The following DYNC1I1 variants were observed in gnomAD, a reference collection of about 807,000 sequenced individuals.
The protein encoded by DYNC1I1 is dynein cytoplasmic 1 intermediate chain 1, also known as cytoplasmic dynein 1 intermediate chain 1.
DYNC1I1 carries 43 observed loss-of-function variants against 86.6 expected under a neutral mutation model. The observed-to-expected ratio is 0.50, with a 90% confidence interval of 0.39 to 0.64. The LOEUF (loss-of-function observed/expected upper bound fraction) is 0.64. DYNC1I1 is among the 30% of genes least tolerant of loss of function. DYNC1I1 has a pLI of 0.00. For missense variants in DYNC1I1, 604 were observed against 788.8 expected (o/e 0.77, Z 2.81); for synonymous variants, 262 against 283.7 (o/e 0.92, Z 0.77).
chr7:95,807,022 T>C (rs879573261), intron 2 of DYNC1I1, among the ~76,000 whole-genome samples: 4 of 152,118 alleles, frequency 2.6e-5, no homozygotes, highest in Admixed American at 2.6e-4. Context: ...GAGAAAGGAA[T>C]GATGTCTTCC....
At chr7:95,821,217 C>T (rs1288115526) in intron 4 of DYNC1I1, among the ~76,000 whole-genome samples, 2 of 152,178 alleles carry the variant, frequency 1.3e-5, no homozygotes, top group African/African-American at 4.8e-5. Flanking sequence ...CTATACTAGA[C>T]TTTCAAGGAA....
chr7:96,042,419 C>T (rs1789077761), intron 14 of DYNC1I1, among the ~76,000 whole-genome samples: 1 of 152,164 alleles, frequency 6.6e-6, no homozygotes, highest in Non-Finnish European at 1.5e-5. Flanking sequence ...CAATGACATT[C>T]CTGATGCCCA....
At chr7:95,956,547 G>A (rs368597614) in intron 6 of DYNC1I1, among the ~76,000 whole-genome samples, 5 of 147,084 alleles carry the variant, frequency 3.4e-5, no homozygotes, top group East Asian at 4.0e-4. Flanking sequence ...CCCCACCCCC[G>A]ACAGGCCCCA....
chr7:96,074,628 G>A (rs1324493558), intron 14 of DYNC1I1, among the ~76,000 whole-genome samples: 1 of 149,546 alleles, frequency 6.7e-6, no homozygotes, highest in African/African-American at 2.5e-5. Context: ...ACAGTCCATA[G>A]AAAGAGAACT....
At chr7:96,042,604 T>C (rs1402635415) in intron 14 of DYNC1I1, among the ~76,000 whole-genome samples, 2 of 152,146 alleles carry the variant, frequency 1.3e-5, no homozygotes, top group Admixed American at 6.5e-5. Flanking sequence ...GGAAACCAAG[T>C]TGAGTAAGCT....
intron 6 of DYNC1I1, among the ~76,000 whole-genome samples, chr7:95,944,479 A>T (rs1258837191): frequency 1.3e-5 from 2 of 152,202 alleles, no homozygotes; most frequent in Non-Finnish European, 2.9e-5. Context: ...TTCTTCAGGG[A>T]TCTAGAACTA....
chr7:96,078,051 C>G (rs541330126), intron 15 of DYNC1I1, among the ~76,000 whole-genome samples: 4 of 152,242 alleles, frequency 2.6e-5, no homozygotes, highest in South Asian at 4.1e-4. Context: ...TTAAAACCTT[C>G]AAATCATTTT....
rs1476299974 is a variant in DYNC1I1, at chr7:96,028,259, G to A, written c.1054G>A (p.Asp352Asn). The A allele has an allele frequency of 1.2e-6, 2 of 1,613,824 alleles. No homozygotes were observed. Among genetic ancestry groups the A allele is most frequent in the Non-Finnish European group, 1.7e-6 (2 of 1,179,822 alleles). The part of the protein sequence containing the change: ...GTYSGQIVLW[D>N]NRSHRRTPVQ... ...TTACTCGGGCCAGATTGTCCTCTGGGACAATCGCAGTCATCGAAGGACTCC... is the reference window on the plus strand; with the variant it reads ...TTACTCGGGCCAGATTGTCCTCTGGAACAATCGCAGTCATCGAAGGACTCC... Residue 352 changes from aspartate to asparagine, a missense_variant, in exon 11 of 17, where the codon GAC becomes AAC. Coordinates refer to ENST00000447467, the MANE Select transcript of DYNC1I1 (RefSeq NM_001135556.2).
chr7:96,086,821 A>G (rs572425029), intron 16 of DYNC1I1, among the ~76,000 whole-genome samples: 2 of 152,324 alleles, frequency 1.3e-5, no homozygotes, highest in Admixed American at 1.3e-4. Flanking sequence ...TCAAGAGAGA[A>G]AAGTTTATTT....
intron 2 of DYNC1I1, among the ~76,000 whole-genome samples, chr7:95,807,890 G>C (rs781284390): frequency 6.6e-5 from 10 of 151,990 alleles, no homozygotes; most frequent in Non-Finnish European, 1.2e-4. Flanking sequence ...CAAGGTCAGG[G>C]CTATATGCTT....
At chr7:96,007,660 T>C (rs1242932453) in intron 10 of DYNC1I1, among the ~76,000 whole-genome samples, 1 of 152,112 alleles carries the variant, frequency 6.6e-6, no homozygotes, top group Non-Finnish European at 1.5e-5. Flanking sequence ...CAATTTGCCA[T>C]ATCCTTAGGT....
chr7:95,833,514 T>G (rs1227607014), intron 5 of DYNC1I1, among the ~76,000 whole-genome samples: 1 of 136,906 alleles, frequency 7.3e-6, no homozygotes, highest in Admixed American at 7.4e-5. Context: ...AAGAAAGTCA[T>G]TGGTAGCTTG....
At chr7:95,879,898 A>G (rs180704806) in intron 6 of DYNC1I1, among the ~76,000 whole-genome samples, 4 of 152,294 alleles carry the variant, frequency 2.6e-5, no homozygotes, top group East Asian at 3.9e-4. Flanking sequence ...TAACTTATCA[A>G]TGGTTCTAAG....
intron 6 of DYNC1I1, among the ~76,000 whole-genome samples, chr7:95,904,796 G>C (rs1034480372): frequency 6.6e-6 from 1 of 152,132 alleles, no homozygotes; most frequent in African/African-American, 2.4e-5. Flanking sequence ...GTCAGTTAAA[G>C]TGTATGTTCT....
chr7:95,928,081 C>A (rs2116399733), intron 6 of DYNC1I1, among the ~76,000 whole-genome samples: 1 of 152,318 alleles, frequency 6.6e-6, no homozygotes, highest in East Asian at 1.9e-4. Context: ...TATGGAAGAA[C>A]AGCCAGGGCA....
At chr7:95,856,210 G>T (rs2600566) in intron 5 of DYNC1I1, among the ~76,000 whole-genome samples, 77,615 of 151,770 alleles carry the variant, frequency 0.51, 21,883 homozygotes, top group Middle Eastern at 0.65. Flanking sequence ...GCACATTAGC[G>T]TAAGCATACA....
intron 6 of DYNC1I1, among the ~76,000 whole-genome samples, chr7:95,926,995 T>C (rs1390064012): frequency 6.6e-6 from 1 of 152,182 alleles, no homozygotes; most frequent in Non-Finnish European, 1.5e-5. Context: ...ACAAATTATA[T>C]ACTCAAAATA....
intron 5 of DYNC1I1, among the ~76,000 whole-genome samples, chr7:95,841,441 T>G (rs1789278637): frequency 8.2e-6 from 1 of 121,360 alleles, no homozygotes; most frequent in Admixed American, 7.8e-5. Context: ...TTTGGTAAAA[T>G]AAGCTGGCAG....
At chr7:95,930,172 G>T (rs2116406150) in intron 6 of DYNC1I1, among the ~76,000 whole-genome samples, 1 of 152,328 alleles carries the variant, frequency 6.6e-6, no homozygotes, top group Non-Finnish European at 1.5e-5. Flanking sequence ...CTGGCTGGTT[G>T]CTAAATTGGT....
Sources: allele counts gnomAD v4.1 joint callset (sites outside exome capture counted in the v4.1 genomes callset), GRCh38; gene constraint gnomAD v4.1.1; transcripts MANE v1.5; gene names NCBI Gene and HGNC (gene_info 2026-07-23, HGNC 2026-07-21).